Variants in LIPT2 observed in about 807,000 individuals in gnomAD.
The protein encoded by LIPT2 is octanoyl-[acyl-carrier-protein]:protein N-octanoyltransferase LIPT2, mitochondrial.
Under a neutral mutation model 16.2 loss-of-function variants are expected in LIPT2, and 16 were observed. The observed-to-expected ratio is 0.99, with a 90% CI of 0.67 to 1.50. The LOEUF is 1.50. Ranked by LOEUF, LIPT2 falls within the 40% of genes most tolerant of loss-of-function variation. The pLI, the probability that LIPT2 is intolerant of heterozygous loss-of-function variation, is 0.00. For missense variants in LIPT2, 424 were observed against 347.7 expected, an observed-to-expected ratio of 1.22 and a Z score of -1.75; for synonymous variants, 199 against 169.3, an observed-to-expected ratio of 1.18 and a Z score of -1.36.
Position 74,492,249 on chromosome 11 carries a change from G to A in LIPT2, c.582C>T (p.Ser194=), listed in dbSNP as rs780472931. ...CGTGCCTCTGGAGCTCCTTACTCAA[G>A]GAAGTGACGCCTGTCCCAACCAGTC... ...PCGLVGTGVT[S]LSKELQRHVT... Residue 194 remains serine (S), a synonymous_variant, in exon 2 of 2, where the codon TCC becomes TCT. Coordinates refer to ENST00000310109, the MANE Select transcript of LIPT2 (RefSeq NM_001144869.3). 1.0e-5 allele frequency: 16 copies of A among 1,551,590 alleles called. No homozygotes were observed. Among genetic ancestry groups the A allele is most frequent in the Non-Finnish European group, 1.4e-5 (16 of 1,146,994 alleles).
At chr11:74,492,756 T>G (rs1591245501) in intron 1 of LIPT2, among the ~76,000 whole-genome samples, 1 of 151,724 alleles carries the variant, frequency 6.6e-6, no homozygotes, top group Non-Finnish European at 1.5e-5. Flanking sequence ...ATACAAAAAA[T>G]TAGCCGGGCT....
In LIPT2 at chr11:74,490,653, G is replaced by A. The variant is rs1281899247; in HGVS notation, c.*1482C>T. Among the ~76,000 whole-genome samples, 1 of 152,004 alleles carries A rather than the reference G, an allele frequency of 6.6e-6. No individual in the cohort carries two copies. Among genetic ancestry groups the A allele is most frequent in the Non-Finnish European group, 1.5e-5 (1 of 68,016 alleles). On this transcript the variant is annotated 3_prime_UTR_variant, in exon 2 of 2. Transcript: ENST00000310109. The stretch of plus-strand genomic sequence containing the variant: ...AGGCAGAAGGATCCCTTGAGCCCAG[G>A]AGTCTGAGACCAGCTTGGGCAACAT...
chr11:74,491,856 G>A lies in LIPT2; in HGVS notation c.*279C>T. Reference sequence around the variant, plus strand: ...CGAGAAATAACAATCTATGACATCTGAATTTCTCTGAGACACTGCTGTCAA... The same window carrying A: ...CGAGAAATAACAATCTATGACATCTAAATTTCTCTGAGACACTGCTGTCAA... On this transcript the variant is annotated 3_prime_UTR_variant, in exon 2 of 2. Transcript: ENST00000310109. 2.5e-6 allele frequency: 1 copy of A among 392,904 alleles called. No homozygotes were observed. Among genetic ancestry groups the A allele is most frequent in the South Asian group, 3.0e-5 (1 of 32,790 alleles). The allele number at this position is 392,904 out of a possible 1,614,324, so 24.3% of individuals were successfully genotyped here. A position where few individuals can be genotyped will look rare whatever the true frequency, so the allele number is the denominator to read the frequency against.
intron 1 of LIPT2, among the ~76,000 whole-genome samples, chr11:74,492,847 T>C (rs1591245661): frequency 7.4e-6 from 1 of 135,420 alleles, no homozygotes; most frequent in East Asian, 2.1e-4. Context: ...GAGCTTGCAG[T>C]GGGCCGAGAT....
chr11:74,493,710 C>G lies in LIPT2; in HGVS notation c.-7G>C, dbSNP rs1316886999. 1.5e-5 allele frequency: 21 copies of G among 1,359,078 alleles called. No homozygotes were observed. In the South Asian group the frequency reaches 3.7e-4, roughly 24 times the overall value. 84.2% of individuals were successfully genotyped at this position (1,359,078 alleles called of 1,614,324 possible). On this transcript the variant is annotated 5_prime_UTR_variant, in exon 1 of 2. Coordinates refer to ENST00000310109, the MANE Select transcript of LIPT2 (RefSeq NM_001144869.3). ...GAACGGCGGGTTGCCGCATCGTGCCCACCGTTGCGTCCGCGGGGCCCCGCC... is the reference window on the plus strand; with the variant it reads ...GAACGGCGGGTTGCCGCATCGTGCCGACCGTTGCGTCCGCGGGGCCCCGCC...
In LIPT2 at chr11:74,492,051, T is replaced by G; in HGVS notation, c.*84A>C. On this transcript the variant is annotated 3_prime_UTR_variant, in exon 2 of 2. Coordinates refer to ENST00000310109, the MANE Select transcript of LIPT2 (RefSeq NM_001144869.3). ...CATGATCAGTGAATGACAGGCCAGG[T>G]CTAAAATCTGGGTTTCAGTAGGTGA... 1.0e-6 allele frequency: 1 copy of G among 965,174 alleles called. No homozygotes were observed. The highest frequency in any genetic ancestry group is 1.6e-6 in the Non-Finnish European group (1 of 621,754). 59.8% of individuals were successfully genotyped at this position (965,174 alleles called of 1,614,324 possible).
At position 74,493,333 on chromosome 11, in the gene LIPT2, A is replaced by C. The variant is rs756664875; in HGVS notation, c.371T>G (p.Val124Gly). The change falls in exon 1 of 2, where the codon GTG (valine) becomes GGG (glycine). Residue 124 changes from valine (V) to glycine (G), a missense_variant. Transcript: ENST00000310109. ...CAGGCCCTGGAGCTCGCACAGGCGC[A>C]CGGCGCACGCCTCCAGCGACGCTAC... is the stretch of plus-strand genomic sequence containing the variant. Reference protein sequence around the residue: ...MHVASLEACAVRLCELQGLQD... With the variant: ...MHVASLEACAGRLCELQGLQD... The C allele has an allele frequency of 6.7e-7, 1 of 1,484,982 alleles. No homozygotes were observed. Among genetic ancestry groups the C allele is most frequent in the Non-Finnish European group, 8.9e-7 (1 of 1,122,848 alleles). 92.0% of individuals were successfully genotyped at this position (1,484,982 alleles called of 1,614,324 possible).
At chr11:74,493,199 C>T (rs1864384857) in intron 1 of LIPT2, 39 bp downstream of exon 1, 1 of 1,306,140 alleles carries the variant, frequency 7.7e-7, no homozygotes, top group African/African-American at 1.5e-5. Context: ...CAAGCTCCGA[C>T]CTCGGCTCTC....
chr11:74,493,390 A>C lies in LIPT2; in HGVS notation c.314T>G (p.Leu105Arg), dbSNP rs1190703859. ...GCGCAAGCGCAGGCCGAGACGCCGC[A>C]GGTCGAGTACCGGGTGGCAAAGCAG... The part of the protein sequence containing the change: ...GQLLCHPVLD[L>R]RRLGLRLRMH... The change falls in exon 1 of 2, where the codon CTG becomes CGG. Residue 105 changes from leucine to arginine, a missense_variant. By Grantham distance (102) the Leu-to-Arg change is moderately radical. Coordinates refer to ENST00000310109, the MANE Select transcript of LIPT2 (RefSeq NM_001144869.3). 3 of 1,515,072 alleles carry C rather than the reference A, an allele frequency of 2.0e-6. No homozygotes were observed. The highest frequency in any genetic ancestry group is 2.6e-6 in the Non-Finnish European group (3 of 1,138,748). 93.9% of individuals were successfully genotyped at this position (1,515,072 alleles called of 1,614,324 possible).
rs1420082518 is a variant in LIPT2, at chr11:74,492,224, C to T, written c.607G>A (p.Val203Ile). 4.5e-6 allele frequency: 7 copies of T among 1,551,578 alleles called. No individual in the cohort carries two copies. In the African/African-American group the frequency reaches 6.8e-5, roughly 15 times the overall value. Residue 203 changes from valine to isoleucine, a missense_variant, in exon 2 of 2, where the codon GTC (valine) becomes ATC (isoleucine). By Grantham distance (29) the Val-to-Ile change is conservative. Transcript: ENST00000310109. ...TSLSKELQRH[V>I]TVEEVMPPFL... The stretch of plus-strand genomic sequence containing the variant: ...GGTGGCATTACTTCTTCCACGGTGA[C>T]GTGCCTCTGGAGCTCCTTACTCAAG...
Position 74,493,608 on chromosome 11 carries a change from G to A in LIPT2, c.96C>T (p.Ala32=), listed in dbSNP as rs1428253793. ...LQDRWLRRLQ[A]EPGIEAPSGT... is the part of the protein sequence containing the mutation. ...CCGACGGGGCCTCAATGCCTGGCTC[G>A]GCCTGCAGCCGCCGCAGCCAGCGGT... is the stretch of plus-strand genomic sequence containing the variant. The change falls in exon 1 of 2, where the codon GCC becomes GCT. Residue 32 remains alanine (A), a synonymous_variant. Transcript: ENST00000310109. 2 of 1,455,938 alleles carry A rather than the reference G, an allele frequency of 1.4e-6. No homozygotes were observed. The highest frequency in any genetic ancestry group is 1.5e-5 in the African/African-American group (1 of 67,878). The allele number at this position is 1,455,938 out of a possible 1,614,324, so 90.2% of individuals were successfully genotyped here. A position where few individuals can be genotyped will look rare whatever the true frequency, so the allele number is the denominator to read the frequency against.
chr11:74,492,187 G>C lies in LIPT2; in HGVS notation c.644C>G (p.Ala215Gly), dbSNP rs751644720. The C allele has an allele frequency of 1.3e-6, 2 of 1,551,410 alleles. No homozygotes were observed. The highest frequency in any genetic ancestry group is 2.4e-5 in the South Asian group (2 of 84,050). Residue 215 changes from alanine (A) to glycine (G), a missense_variant, in exon 2 of 2, where the codon GCC becomes GGC. Transcript: ENST00000310109. Reference sequence around the variant, plus strand: ...TGTGCACTTGTAGATCTCCTTAAAGGCCACAAGGAAAGGTGGCATTACTTC... The same window carrying C: ...TGTGCACTTGTAGATCTCCTTAAAGCCCACAAGGAAAGGTGGCATTACTTC... ...VEEVMPPFLV[A>G]FKEIYKCTLI...
chr11:74,493,172 A>ACCC, intron 1 of LIPT2, 66 bp downstream of exon 1: 1 of 1,210,734 alleles, frequency 8.3e-7, no homozygotes, highest in East Asian at 3.2e-5. Flanking sequence ...GCCCCGTCAG[A>ACCC]CCCCGCCCCC....
At chr11:74,492,754 A>C (rs1049190481) in intron 1 of LIPT2, among the ~76,000 whole-genome samples, 29 of 151,904 alleles carry the variant, frequency 1.9e-4, no homozygotes, top group African/African-American at 7.0e-4. Flanking sequence ...AAATACAAAA[A>C]ATTAGCCGGG....
chr11:74,492,161 G>C lies in LIPT2; in HGVS notation c.670C>G (p.Leu224Val). Residue 224 changes from leucine (L) to valine (V), a missense_variant, in exon 2 of 2, where the codon CTG (leucine) becomes GTG (valine). Coordinates refer to ENST00000310109, the MANE Select transcript of LIPT2 (RefSeq NM_001144869.3). Reference protein sequence around the residue: ...VAFKEIYKCTLISEDSPN With the variant: ...VAFKEIYKCTVISEDSPN ...CAGTTGGGGCTGTCCTCTGAGATCA[G>C]TGTGCACTTGTAGATCTCCTTAAAG... The C allele has an allele frequency of 1.3e-6, 2 of 1,551,462 alleles. No individual in the cohort carries two copies. Among genetic ancestry groups the C allele is most frequent in the Non-Finnish European group, 1.7e-6 (2 of 1,146,772 alleles).
In LIPT2 at chr11:74,493,285, G is replaced by T; in HGVS notation, c.419C>A (p.Pro140Gln). 1 of 1,415,562 alleles carries T rather than the reference G, an allele frequency of 7.1e-7. No individual in the cohort carries two copies. The allele number at this position is 1,415,562 out of a possible 1,614,324, so 87.7% of individuals were successfully genotyped here. ...GTCTAGCCAGACGCCAGTGTAGGGC[G>T]GGGGCCGCGCGCGGGCGTCCTGCAG... ...QGLQDARARP[P>Q]PYTGVWLDDR... The change falls in exon 1 of 2, where the codon CCG becomes CAG. Residue 140 changes from proline to glutamine, a missense_variant. Physicochemically the swap from Pro to Gln is moderately conservative, Grantham distance 76 (BLOSUM62 -1). Transcript: ENST00000310109.
intron 1 of LIPT2, 42 bp from the exon 2 acceptor site, chr11:74,492,406 C>T (rs1265131953): frequency 2.0e-5 from 27 of 1,326,486 alleles, no homozygotes; most frequent in Non-Finnish European, 2.8e-5. Flanking sequence ...ATACCCTCCA[C>T]TCTCCGGGCT....
chr11:74,492,799 G>A (rs1478970305), intron 1 of LIPT2, among the ~76,000 whole-genome samples: 2 of 151,540 alleles, frequency 1.3e-5, no homozygotes, highest in African/African-American at 4.9e-5. Flanking sequence ...AGCTACTCTG[G>A]AGGCTGAGGC....
At chr11:74,493,216 C>A (rs1243664890) in intron 1 of LIPT2, 22 bp downstream of exon 1, 1 of 1,327,032 alleles carries the variant, frequency 7.5e-7, no homozygotes, top group Non-Finnish European at 9.6e-7. Context: ...TCTCAGGTAC[C>A]GCCCTGCTCC....
Sources: gnomAD v4.1 joint callset for allele counts (sites outside exome capture counted in the v4.1 genomes callset) on GRCh38, gnomAD v4.1.1 for gene constraint, MANE v1.5 for transcripts, NCBI Gene and HGNC (gene_info 2026-07-23, HGNC 2026-07-21) for gene names.